Variants in PCDHGB5 observed in about 807,000 individuals in gnomAD.
The protein encoded by PCDHGB5 is protocadherin gamma-B5.
A neutral mutation model predicts 62.9 loss-of-function variants in PCDHGB5; 48 were observed. The ratio of observed to expected loss-of-function variants is 0.76; its 90% CI spans 0.61 to 0.97. The LOEUF (loss-of-function observed/expected upper bound fraction) is 0.97. Among genes scored for constraint, PCDHGB5 ranks in the 50% least tolerant of loss-of-function variants. The probability of loss-of-function intolerance (pLI) is 0.00; values close to 1 mark genes in which losing one functional copy is unlikely to be tolerated. For synonymous variants in PCDHGB5, 474 were observed against 511.2 expected (o/e 0.93, Z 0.98); for missense variants, 1,118 against 1,198.6 (o/e 0.93, Z 0.99).
chr5:141,502,179 A>C (rs1403845758), intron 2 of PCDHGB5, among the ~76,000 whole-genome samples: 3 of 152,218 alleles, frequency 2.0e-5, no homozygotes, highest in African/African-American at 7.2e-5. Context: ...GGAATTTAAC[A>C]TTAATACAAT....
chr5:141,441,861 C>T (rs3805696), intron 1 of PCDHGB5: 35,405 of 342,650 alleles, frequency 0.1, 2,215 homozygotes, highest in African/African-American at 0.17. Context: ...TGCTGCACGC[C>T]GCGGAGCCTG....
In PCDHGB5 at chr5:141,490,294, T is replaced by C. The variant is rs766906839; in HGVS notation, c.2398-4513T>C. ...CAATGACAATGCCCCAGAGGTGCTA[T>C]TGGCCTCTTTGGCCAACCCTGTCCT... On this transcript the variant is annotated intron_variant, in intron 1 of 3. Transcript: ENST00000617380. This position sits in a 1 kb window ranked among gnomAD's most constrained non-coding sequence, Gnocchi z 5.4. The C allele has an allele frequency of 5.6e-6, 9 of 1,614,104 alleles. No individual in the cohort carries two copies. The East Asian group carries it at 1.3e-4, about 24-fold the overall frequency.
At chr5:141,497,820 G>A (rs1595489288) in intron 2 of PCDHGB5, among the ~76,000 whole-genome samples, 1 of 152,226 alleles carries the variant, frequency 6.6e-6, no homozygotes, top group Admixed American at 6.5e-5. Flanking sequence ...AATTACAGGT[G>A]TGATCGCCCC....
At chr5:141,419,034 T>C in intron 1 of PCDHGB5, 1 of 1,613,902 alleles carries the variant, frequency 6.2e-7, no homozygotes, top group Non-Finnish European at 8.5e-7. Flanking sequence ...GGTGTTCCAT[T>C]TAAGATTCAT....
At chr5:141,448,263 A>G (rs2098578874) in intron 1 of PCDHGB5, among the ~76,000 whole-genome samples, 1 of 152,088 alleles carries the variant, frequency 6.6e-6, no homozygotes, top group Non-Finnish European at 1.5e-5. Flanking sequence ...ATTTTACAGT[A>G]TATATACTGT....
chr5:141,505,711 A>C (rs372711957), intron 3 of PCDHGB5, among the ~76,000 whole-genome samples: 17 of 152,058 alleles, frequency 1.1e-4, no homozygotes, highest in Admixed American at 2.6e-4. Context: ...CAAGGAAAAG[A>C]CTCATGGAGG....
chr5:141,478,499 G>A (rs77463374), intron 1 of PCDHGB5: 18 of 1,612,728 alleles, frequency 1.1e-5, no homozygotes, highest in African/African-American at 2.7e-5. Context: ...CTGTGATCCG[G>A]TGTTCTATAG....
At chr5:141,430,979 C>A (rs370494413) in intron 1 of PCDHGB5, 2 of 1,613,642 alleles carry the variant, frequency 1.2e-6, no homozygotes, top group Non-Finnish European at 1.7e-6. Context: ...TAGGACGCAG[C>A]TTTTCGCCCT....
intron 1 of PCDHGB5, chr5:141,409,742 G>T (rs763304955): frequency 5.0e-6 from 8 of 1,612,988 alleles, no homozygotes; most frequent in African/African-American, 1.3e-5. Flanking sequence ...GAGCGGGGTG[G>T]TGTTCGCGCA....
chr5:141,511,403 A>C lies in PCDHGB5; in HGVS notation c.*230A>C. On this transcript the variant is annotated 3_prime_UTR_variant, in exon 4 of 4. Coordinates refer to ENST00000617380, the MANE Select transcript of PCDHGB5 (RefSeq NM_018925.3). Reference sequence around the variant, plus strand: ...TCCGCTGGGAACCCCCATCCAATCAACTGCTGTACCCATGGGGGTAGTGGG... The same window carrying C: ...TCCGCTGGGAACCCCCATCCAATCACCTGCTGTACCCATGGGGGTAGTGGG... 8.5e-6 allele frequency: 8 copies of C among 939,018 alleles called. No individual in the cohort carries two copies. The highest frequency in any genetic ancestry group is 1.2e-5 in the Non-Finnish European group (8 of 650,834). The allele number at this position is 939,018 out of a possible 1,614,324, so 58.2% of individuals were successfully genotyped here. A position where few individuals can be genotyped will look rare whatever the true frequency, so the allele number is the denominator to read the frequency against.
At chr5:141,495,697 A>G (rs1010733016) in intron 2 of PCDHGB5, among the ~76,000 whole-genome samples, 1 of 152,086 alleles carries the variant, frequency 6.6e-6, no homozygotes, top group Non-Finnish European at 1.5e-5. Flanking sequence ...AGTGCTCAAT[A>G]AATGTGGAGT....
At position 141,486,821 on chromosome 5, in the gene PCDHGB5, A is replaced by T. The variant is rs756652952; in HGVS notation, c.2398-7986A>T. On this transcript the variant is annotated intron_variant, in intron 1 of 3. Transcript: ENST00000617380. The surrounding 1 kb of genome is among the most constrained non-coding windows in gnomAD (Gnocchi z 5.0). ...CAACCCACCCCTTAGCAGCACTGTA[A>T]CAGTTCGTCTATTTGTGCTGGACCT... 36 of 1,614,116 alleles carry T rather than the reference A, an allele frequency of 2.2e-5. No individual in the cohort carries two copies. In the South Asian group the frequency reaches 3.4e-4, roughly 15 times the overall value.
Position 141,428,162 on chromosome 5 carries a change from G to A in PCDHGB5, c.2397+27638G>A, listed in dbSNP as rs75153946. The A allele has an allele frequency of 9.5e-4, 1,493 of 1,569,102 alleles. 9 individuals are homozygous for A. The African/African-American group carries it at 0.016, about 16-fold the overall frequency. On this transcript the variant is annotated intron_variant, in intron 1 of 3. Coordinates refer to ENST00000617380, the MANE Select transcript of PCDHGB5 (RefSeq NM_018925.3). ...GGCTGCACACGGGAACCTGCTGGTT[G>A]CTGTGCGTGACGGAGGACAGCCGCC...
At chr5:141,406,072 CT>C (rs530474569) in intron 1 of PCDHGB5, among the ~76,000 whole-genome samples, 16,756 of 141,280 alleles carry the variant, frequency 0.12, 1,110 homozygotes, top group African/African-American at 0.2. Flanking sequence ...ATTCTTACTC[CT>C]TTTTTTTTTT....
intron 1 of PCDHGB5, chr5:141,417,879 A>G (rs2096177010): frequency 7.1e-6 from 11 of 1,559,306 alleles, no homozygotes; most frequent in South Asian, 2.3e-5. Flanking sequence ...AGCTGCGCGC[A>G]GAGGCGCCGG....
At chr5:141,444,138 C>CTTGTGTG (rs2098418688) in intron 1 of PCDHGB5, among the ~76,000 whole-genome samples, 1 of 122,946 alleles carries the variant, frequency 8.1e-6, no homozygotes, top group South Asian at 2.7e-4. Flanking sequence ...ATATGTGTCA[C>CTTGTGTG]TTGTGTGTAC....
chr5:141,410,009 T>G, intron 1 of PCDHGB5: 1 of 1,613,318 alleles, frequency 6.2e-7, no homozygotes, highest in Non-Finnish European at 8.5e-7. Context: ...ACACAACGCC[T>G]GGCTGTCCTA....
Position 141,400,130 on chromosome 5 carries a change from T to C in PCDHGB5, c.2003T>C (p.Leu668Pro), listed in dbSNP as rs369250985. Residue 668 changes from leucine to proline, a missense_variant, in exon 1 of 4, where the codon CTG (leucine) becomes CCG (proline). This residue lies in a region of PCDHGB5 where 1,034 missense variants were observed against 1,029.1 expected (regional missense o/e 1.00). Transcript: ENST00000617380. ...TTTGCTGACAGCTTGCAGGAGGTGC[T>C]GCCGGATATCACTGACCGCCCTGTA... is the stretch of plus-strand genomic sequence containing the variant. The part of the protein sequence containing the change: ...LVFADSLQEV[L>P]PDITDRPVPS... The C allele has an allele frequency of 1.9e-6, 3 of 1,613,954 alleles. No individual in the cohort carries two copies. The African/African-American group carries it at 4.0e-5, about 22-fold the overall frequency.
intron 1 of PCDHGB5, chr5:141,479,660 A>G (rs1206947602): frequency 6.6e-6 from 1 of 152,266 alleles, no homozygotes; most frequent in African/African-American, 2.4e-5. Flanking sequence ...ACAATCCCAG[A>G]AACTACAAAA....
Sources: gnomAD v4.1 joint callset for allele counts (sites outside exome capture counted in the v4.1 genomes callset) on GRCh38, gnomAD v4.1.1 for gene constraint, gnomAD v4.1.1 regional missense constraint, Gnocchi (gnomAD v3.1) non-coding constraint, MANE v1.5 for transcripts, NCBI Gene and HGNC (gene_info 2026-07-23, HGNC 2026-07-21) for gene names.